WDR88: variants seen among roughly 807,000 people sequenced by gnomAD.
WDR88 encodes WD repeat-containing protein 88.
WDR88 carries 40 observed loss-of-function variants against 46.8 expected under a neutral mutation model. That is an observed-to-expected ratio of 0.86 (90% CI 0.66 to 1.11). The LOEUF (loss-of-function observed/expected upper bound fraction) is 1.11, where lower values mean the gene tolerates loss of function less well. WDR88 is among the 50% of genes most tolerant of loss of function. The pLI is 0.00. For missense variants in WDR88, 562 were observed against 602.4 expected, an observed-to-expected ratio of 0.93 and a Z score of 0.70; for synonymous variants, 235 against 240.7, an observed-to-expected ratio of 0.98 and a Z score of 0.22.
chr19:33,139,497 T>C (rs912726317), intron 2 of WDR88, among the ~76,000 whole-genome samples: 2 of 152,116 alleles, frequency 1.3e-5, no homozygotes, highest in Admixed American at 1.3e-4. Context: ...TCCTGGGTTC[T>C]GGTTTGGGTA....
chr19:33,167,372 A>C (rs1392855764), intron 9 of WDR88, among the ~76,000 whole-genome samples: 1 of 152,124 alleles, frequency 6.6e-6, no homozygotes, highest in African/African-American at 2.4e-5. Flanking sequence ...CTTTCATTAT[A>C]ATAATAAAAA....
intron 6 of WDR88, among the ~76,000 whole-genome samples, chr19:33,151,678 A>T (rs1044365615): frequency 1.3e-5 from 2 of 151,944 alleles, no homozygotes; most frequent in Non-Finnish European, 2.9e-5. Flanking sequence ...CCAGGAGTTC[A>T]ACACCAGCCT....
At chr19:33,136,338 A>G (rs966468526) in intron 1 of WDR88, among the ~76,000 whole-genome samples, 1 of 151,900 alleles carries the variant, frequency 6.6e-6, no homozygotes, top group African/African-American at 2.4e-5. Flanking sequence ...TATAGGCATG[A>G]GCCACCGTGC....
At chr19:33,151,075 C>A in intron 5 of WDR88, 106 bp from the exon 6 acceptor site, 1 of 1,334,150 alleles carries the variant, frequency 7.5e-7, no homozygotes. Flanking sequence ...CTGATGAAAA[C>A]TGGAATTGTG....
Position 33,142,878 on chromosome 19 carries a change from A to AAAAAAAAG in WDR88, c.388-1964_388-1963insAAAAAGAA, listed in dbSNP as rs1289318961. ...AAAAAAAAAAAAAAAAAAAAAAAAA[A>AAAAAAAAG]AAGGCCGGGGGGCGGGAATAACGTG... is the stretch of plus-strand genomic sequence containing the variant. On this transcript the variant is annotated intron_variant, in intron 2 of 10. Transcript: ENST00000355868. 6.2e-4 allele frequency: 89 copies of AAAAAAAAG among 142,950 alleles called. 2 individuals carry two copies. The highest frequency in any genetic ancestry group is 2.3e-3 in the African/African-American group (85 of 36,862). 8.9% of individuals were successfully genotyped at this position (142,950 alleles called of 1,614,324 possible).
Position 33,172,398 on chromosome 19 carries a change from G to A in WDR88, c.1200G>A (p.Leu400=). 1 of 1,613,986 alleles carries A rather than the reference G, an allele frequency of 6.2e-7. No individual in the cohort carries two copies. Among genetic ancestry groups the A allele is most frequent in the Non-Finnish European group, 8.5e-7 (1 of 1,179,960 alleles). ...WNIEEIDEIP[L]VIKYKKAVGL... is the part of the protein sequence containing the mutation. ...TTGAAGAAATTGATGAAATTCCTTT[G>A]GTAATCAAGTACAAAAAGGCCGTGG... The change falls in exon 10 of 11, where the codon TTG becomes TTA. Residue 400 remains leucine (L), a synonymous_variant. Transcript: ENST00000355868.
chr19:33,160,967 T>C (rs1973855041), intron 8 of WDR88, among the ~76,000 whole-genome samples: 1 of 151,040 alleles, frequency 6.6e-6, no homozygotes. Context: ...AGGTCAGGAG[T>C]TTGAGACCAG....
intron 9 of WDR88, among the ~76,000 whole-genome samples, chr19:33,172,120 G>A (rs1171601435): frequency 6.6e-6 from 1 of 152,080 alleles, no homozygotes; most frequent in East Asian, 1.9e-4. Flanking sequence ...CCTGGGCAAT[G>A]ACTCATCTAT....
intron 5 of WDR88, among the ~76,000 whole-genome samples, chr19:33,149,718 G>C (rs1284876039): frequency 6.6e-6 from 1 of 151,694 alleles, no homozygotes; most frequent in African/African-American, 2.4e-5. Flanking sequence ...GAGTGTAGTG[G>C]TGCGATCTCG....
chr19:33,142,211 G>C (rs1038158760), intron 2 of WDR88, among the ~76,000 whole-genome samples: 1 of 152,096 alleles, frequency 6.6e-6, no homozygotes, highest in African/African-American at 2.4e-5. Flanking sequence ...AGCCAGCAGG[G>C]GGGGACGAAG....
At chr19:33,168,647 A>G (rs1973991336) in intron 9 of WDR88, among the ~76,000 whole-genome samples, 2 of 152,248 alleles carry the variant, frequency 1.3e-5, no homozygotes, top group Admixed American at 6.5e-5. Flanking sequence ...TCCTATATTC[A>G]TGGATAGGAA....
At chr19:33,141,172 A>T (rs2145369123) in intron 2 of WDR88, among the ~76,000 whole-genome samples, 1 of 149,886 alleles carries the variant, frequency 6.7e-6, no homozygotes, top group East Asian at 2.0e-4. Flanking sequence ...CCTTGGCTCA[A>T]GCGACTCTCC....
At chr19:33,140,796 AAAAAG>A (rs1009827354) in intron 2 of WDR88, among the ~76,000 whole-genome samples, 4 of 152,214 alleles carry the variant, frequency 2.6e-5, no homozygotes, top group Middle Eastern at 3.4e-3. Flanking sequence ...TCTCAAAAAA[AAAAAG>A]AAAAGACATA....
intron 3 of WDR88, 84 bp from the exon 4 acceptor site, chr19:33,147,561 C>G: frequency 2.2e-6 from 3 of 1,352,970 alleles, no homozygotes; most frequent in Non-Finnish European, 3.1e-6. Flanking sequence ...CGGTATTGCA[C>G]CACTGCACTC....
intron 10 of WDR88, among the ~76,000 whole-genome samples, chr19:33,173,372 T>G (rs1184672478): frequency 2.0e-5 from 3 of 152,120 alleles, no homozygotes; most frequent in Non-Finnish European, 2.9e-5. Context: ...GTGCAAGAGC[T>G]TGGTGGTCAG....
At chr19:33,138,253 T>C (rs1973316898) in intron 2 of WDR88, among the ~76,000 whole-genome samples, 2 of 152,174 alleles carry the variant, frequency 1.3e-5, no homozygotes, top group South Asian at 4.1e-4. Context: ...GGTTTCACCA[T>C]GTTGGTCAGG....
At chr19:33,154,723 T>G (rs1347960798) in intron 6 of WDR88, among the ~76,000 whole-genome samples, 3 of 152,214 alleles carry the variant, frequency 2.0e-5, no homozygotes, top group Non-Finnish European at 4.4e-5. Flanking sequence ...ATACCTCTGG[T>G]TTAAACCTCA....
In WDR88 at chr19:33,175,478, T is replaced by A; in HGVS notation, c.1325T>A (p.Ile442Lys). Reference protein sequence around the residue: ...EMFTQCVFCRIDTRGLPADTS... With the variant: ...EMFTQCVFCRKDTRGLPADTS... Reference sequence around the variant, plus strand: ...TTCACCCAATGCGTGTTCTGCCGGATAGATACAAGGGGCTTGCCAGCAGAT... The same window carrying A: ...TTCACCCAATGCGTGTTCTGCCGGAAAGATACAAGGGGCTTGCCAGCAGAT... The change falls in exon 11 of 11, where the codon ATA becomes AAA. Residue 442 changes from isoleucine (I) to lysine (K), a missense_variant. By Grantham distance (102) the Ile-to-Lys change is moderately radical. Coordinates refer to ENST00000355868, the MANE Select transcript of WDR88 (RefSeq NM_173479.4). 1.2e-6 allele frequency: 2 copies of A among 1,614,164 alleles called. No individual in the cohort carries two copies. Among genetic ancestry groups the A allele is most frequent in the African/African-American group, 1.3e-5 (1 of 75,046 alleles).
In WDR88 at chr19:33,156,440, A is replaced by G. The variant is rs779365427; in HGVS notation, c.895A>G (p.Ile299Val). The G allele has an allele frequency of 1.9e-6, 3 of 1,614,206 alleles. No homozygotes were observed. The highest frequency in any genetic ancestry group is 1.7e-6 in the Non-Finnish European group (2 of 1,180,044). ...CTSSWDKNLKIWNVHTGEFRN... is the reference protein window; with the variant it reads ...CTSSWDKNLKVWNVHTGEFRN... ...AAGCTCCTGGGATAAAAACTTAAAA[A>G]TATGGAACGTCCACACAGGGGAGTT... Residue 299 changes from isoleucine to valine, a missense_variant, in exon 7 of 11, where the codon ATA becomes GTA. Transcript: ENST00000355868.
Sources: gnomAD v4.1 joint callset for allele counts (sites outside exome capture counted in the v4.1 genomes callset) on GRCh38, gnomAD v4.1.1 for gene constraint, MANE v1.5 for transcripts, NCBI Gene and HGNC (gene_info 2026-07-23, HGNC 2026-07-21) for gene names.